ABCB11: variants seen among roughly 807,000 people sequenced by gnomAD.
ABCB11 encodes bile salt export pump.
ABCB11 carries 95 observed loss-of-function variants against 148.0 expected under a neutral mutation model. The ratio of observed to expected loss-of-function variants is 0.64; its 90% confidence interval spans 0.54 to 0.76. ABCB11 has a LOEUF of 0.76. Ranked by LOEUF, ABCB11 falls within the 30% of genes least tolerant of loss-of-function variation. The probability of loss-of-function intolerance (pLI) is 0.00; values close to 1 mark genes in which losing one functional copy is unlikely to be tolerated. For synonymous variants in ABCB11, 591 were observed against 555.4 expected (o/e 1.06, Z -0.90); for missense variants, 1,523 against 1,617.8 (o/e 0.94, Z 1.01).
rs571291345 is a variant in ABCB11, at chr2:168,990,303, ATTTATTTCTC to A, written c.908+488_908+497del. Among the ~76,000 whole-genome samples, 6 of 151,964 alleles carry A rather than the reference ATTTATTTCTC, an allele frequency of 3.9e-5. No individual in the cohort carries two copies. In the East Asian group the frequency reaches 1.2e-3, roughly 29 times the overall value. On this transcript the variant is annotated intron_variant, in intron 9 of 27. Transcript: ENST00000650372. The stretch of plus-strand genomic sequence containing the variant: ...CCTTACTCATTATTGGTATGTTCAG[ATTTATTTCTC>A]TTTATTTCTCCGTGATTCAACCTTG...
intron 10 of ABCB11, among the ~76,000 whole-genome samples, chr2:168,982,484 G>T (rs1694165052): frequency 6.6e-6 from 1 of 151,990 alleles, no homozygotes; most frequent in South Asian, 2.1e-4. Context: ...ACTCAGGAAG[G>T]TCATGAAAGA....
intron 5 of ABCB11, among the ~76,000 whole-genome samples, chr2:169,005,921 T>A (rs1217627301): frequency 6.6e-6 from 1 of 152,082 alleles, no homozygotes; most frequent in Non-Finnish European, 1.5e-5. Flanking sequence ...TCAAAAACTT[T>A]CAACAACAAA....
At chr2:168,940,366 C>T (rs560937949) in intron 21 of ABCB11, among the ~76,000 whole-genome samples, 1 of 152,024 alleles carries the variant, frequency 6.6e-6, no homozygotes, top group Admixed American at 6.6e-5. Flanking sequence ...TGAAGTGAAC[C>T]AGCTTTATTG....
At chr2:168,977,078 T>C (rs1183039580) in intron 11 of ABCB11, among the ~76,000 whole-genome samples, 1 of 148,514 alleles carries the variant, frequency 6.7e-6, no homozygotes, top group Non-Finnish European at 1.5e-5. Flanking sequence ...TGAGATATTA[T>C]ATAATATGTG....
Position 168,950,170 on chromosome 2 carries a change from A to AC in ABCB11, c.2344-5210_2344-5209insG, listed in dbSNP as rs561289114. Among the ~76,000 whole-genome samples, 19 of 142,744 alleles carry AC rather than the reference A, an allele frequency of 1.3e-4. No individual in the cohort carries two copies. In the East Asian group the frequency reaches 3.6e-3, roughly 27 times the overall value. The allele number at this position is 142,744 out of a possible 152,430, so 93.6% of individuals were successfully genotyped here. On this transcript the variant is annotated intron_variant, in intron 19 of 27. Coordinates refer to ENST00000650372, the MANE Select transcript of ABCB11 (RefSeq NM_003742.4). ...ACACACACACACACACACACACACA[A>AC]AATAGGATATATATCCTATAAACGC...
chr2:169,009,242 G>A (rs1695108380), intron 5 of ABCB11, among the ~76,000 whole-genome samples: 1 of 152,044 alleles, frequency 6.6e-6, no homozygotes, highest in African/African-American at 2.4e-5. Flanking sequence ...ATACCCAAAG[G>A]ATTATAAATC....
At chr2:168,938,582 C>T (rs1479983825) in intron 21 of ABCB11, among the ~76,000 whole-genome samples, 2 of 152,006 alleles carry the variant, frequency 1.3e-5, no homozygotes, top group African/African-American at 2.4e-5. Context: ...AACGGTAAAA[C>T]ATTTCTAGAG....
chr2:168,989,801 G>A (rs368569975), intron 9 of ABCB11, among the ~76,000 whole-genome samples: 4 of 152,070 alleles, frequency 2.6e-5, no homozygotes, highest in Admixed American at 1.3e-4. Flanking sequence ...CTAATTTGTT[G>A]AGAGTTTCTG....
At chr2:168,954,523 T>C (rs181497079) in intron 19 of ABCB11, among the ~76,000 whole-genome samples, 3 of 151,732 alleles carry the variant, frequency 2.0e-5, no homozygotes, top group South Asian at 2.1e-4. Context: ...GTTTTTTTTT[T>C]CCTTTCAGCA....
chr2:168,968,437 C>T lies in ABCB11; in HGVS notation c.2065G>A (p.Asp689Asn). 1 of 1,610,810 alleles carries T rather than the reference C, an allele frequency of 6.2e-7. No individual in the cohort carries two copies. Among genetic ancestry groups the T allele is most frequent in the African/African-American group, 1.3e-5 (1 of 74,878 alleles). ...ATGGCTTGAGCTTACCTTAAACTAT[C>T]CTGGTAGCTCCCTCTGCTAAAGGTC... Reference protein sequence around the residue: ...ARTFSRGSYQDSLRASIRQRS... With the variant: ...ARTFSRGSYQNSLRASIRQRS... The change falls in exon 17 of 28, where the codon GAT becomes AAT. Residue 689 changes from aspartate to asparagine, a missense_variant. Asp to Asn is a conservative substitution (Grantham distance 23). Coordinates refer to ENST00000650372, the MANE Select transcript of ABCB11 (RefSeq NM_003742.4).
chr2:168,990,921 A>C lies in ABCB11; in HGVS notation c.788T>G (p.Val263Gly). The C allele has an allele frequency of 6.2e-7, 1 of 1,611,806 alleles. No homozygotes were observed. Among genetic ancestry groups the C allele is most frequent in the Non-Finnish European group, 8.5e-7 (1 of 1,178,948 alleles). Residue 263 changes from valine (V) to glycine (G), a missense_variant, in exon 9 of 28, where the codon GTG becomes GGG. By Grantham distance (109) the Val-to-Gly change is moderately radical (BLOSUM62 -3). Transcript: ENST00000650372. Reference sequence around the variant, plus strand: ...CAGCTCATAGTCCGTAAACTTGGACACACTCTAAAAATCAAAAAGAAGAAA... The same window carrying C: ...CAGCTCATAGTCCGTAAACTTGGACCCACTCTAAAAATCAAAAAGAAGAAA... ...GIGAATIGLS[V>G]SKFTDYELKA...
At chr2:169,016,898 A>T in intron 2 of ABCB11, 99 bp from the exon 3 acceptor site, 1 of 849,746 alleles carries the variant, frequency 1.2e-6, no homozygotes, top group Non-Finnish European at 1.9e-6. Flanking sequence ...ATTCCTATAA[A>T]TTACCTTTAT....
chr2:168,924,612 A>C, intron 27 of ABCB11, 45 bp downstream of exon 27: 1 of 1,580,038 alleles, frequency 6.3e-7, no homozygotes, highest in Non-Finnish European at 8.6e-7. Context: ...TTACAGCAAA[A>C]GACTTATTTG....
intron 5 of ABCB11, among the ~76,000 whole-genome samples, chr2:169,012,989 T>G (rs1190891228): frequency 1.3e-5 from 2 of 152,094 alleles, no homozygotes; most frequent in Non-Finnish European, 2.9e-5. Context: ...CGTTAAGTAT[T>G]GGTAGTGTCA....
intron 21 of ABCB11, 71 bp from the exon 22 acceptor site, chr2:168,936,504 G>A (rs1559185118): frequency 2.8e-6 from 4 of 1,417,082 alleles, no homozygotes; most frequent in Non-Finnish European, 9.9e-7. Flanking sequence ...TACACAAAAA[G>A]GTCAGACCTT....
chr2:168,974,702 TAAG>T (rs1693737774), intron 12 of ABCB11, among the ~76,000 whole-genome samples: 1 of 151,964 alleles, frequency 6.6e-6, no homozygotes, highest in Non-Finnish European at 1.5e-5. Context: ...TAGGTTTAAG[TAAG>T]AAGATTTTAT....
At chr2:169,021,249 C>T (rs1695531519) in intron 1 of ABCB11, among the ~76,000 whole-genome samples, 1 of 151,998 alleles carries the variant, frequency 6.6e-6, no homozygotes, top group Non-Finnish European at 1.5e-5. Flanking sequence ...AGGCATGAGC[C>T]ACCACACCCA....
intron 5 of ABCB11, among the ~76,000 whole-genome samples, chr2:169,007,387 T>C (rs1436507271): frequency 2.0e-5 from 3 of 152,164 alleles, no homozygotes; most frequent in African/African-American, 7.2e-5. Flanking sequence ...TATTAGTTCA[T>C]CTCACACTGC....
intron 5 of ABCB11, among the ~76,000 whole-genome samples, chr2:169,012,422 G>A (rs565268789): frequency 6.6e-6 from 1 of 152,114 alleles, no homozygotes; most frequent in East Asian, 1.9e-4. Context: ...CTGTGTCTGT[G>A]TGAGTTCTGG....
Sources: gnomAD v4.1 joint callset for allele counts (sites outside exome capture counted in the v4.1 genomes callset) on GRCh38, gnomAD v4.1.1 for gene constraint, MANE v1.5 for transcripts, NCBI Gene and HGNC (gene_info 2026-07-23, HGNC 2026-07-21) for gene names.